The following SYT6 variants were observed in gnomAD, a reference collection of about 807,000 sequenced individuals.
SYT6 encodes synaptotagmin 6, also known as synaptotagmin-6.
In SYT6, 24 loss-of-function variants were observed where a neutral mutation model predicts 38.4. The observed-to-expected ratio is 0.62, with a 90% CI of 0.45 to 0.88. SYT6 has a LOEUF of 0.88. Ranked by LOEUF, SYT6 falls within the 40% of genes least tolerant of loss-of-function variation. The probability of loss-of-function intolerance (pLI) is 0.00; values close to 1 mark genes in which losing one functional copy is unlikely to be tolerated. For missense variants in SYT6, 611 were observed against 621.0 expected, an observed-to-expected ratio of 0.98 and a Z score of 0.17; for synonymous variants, 265 against 241.9, an observed-to-expected ratio of 1.10 and a Z score of -0.89.
intron 3 of SYT6, among the ~76,000 whole-genome samples, chr1:114,110,753 G>C (rs1006591571): frequency 1.1e-4 from 16 of 152,098 alleles, no homozygotes; most frequent in Non-Finnish European, 2.1e-4. Context: ...TCCCTTCTGA[G>C]TGTCCCCAAA....
intron 3 of SYT6, among the ~76,000 whole-genome samples, chr1:114,108,430 T>G (rs1676460420): frequency 6.6e-6 from 1 of 152,202 alleles, no homozygotes; most frequent in African/African-American, 2.4e-5. Context: ...TCAGGAGACC[T>G]GGACTTTAGA....
At position 114,139,655 on chromosome 1, in the gene SYT6, G is replaced by T; in HGVS notation, c.472C>A (p.Arg158=). The T allele has an allele frequency of 6.2e-7, 1 of 1,614,162 alleles. No homozygotes were observed. Among genetic ancestry groups the T allele is most frequent in the Non-Finnish European group, 8.5e-7 (1 of 1,180,038 alleles). ...GGCTCTGTAGTTTGCCGCTGCAGCC[G>T]GGTGTGACGCATGATGTGCTCCTTG... The part of the protein sequence containing the change: ...SVKEHIMRHT[R]LQRQTTEPAS... Residue 158 remains arginine (R), a synonymous_variant, in exon 2 of 8, where the codon CGG becomes AGG. Transcript: ENST00000610222.
chr1:114,137,625 A>T lies in SYT6; in HGVS notation c.941T>A (p.Leu314His). The change falls in exon 3 of 8, where the codon CTC becomes CAC. Residue 314 changes from leucine to histidine, a missense_variant. Coordinates refer to ENST00000610222, the MANE Select transcript of SYT6 (RefSeq NM_001253772.2). ...GAAGCGGTCAAAGTCGAAGACACTG[A>T]GATGCAGCTTGCGGTCAGCCAGCTC... ...YEELADRKLH[L>H]SVFDFDRFSR... The T allele has an allele frequency of 6.2e-7, 1 of 1,614,176 alleles. No homozygotes were observed. Among genetic ancestry groups the T allele is most frequent in the Non-Finnish European group, 8.5e-7 (1 of 1,180,030 alleles).
At chr1:114,109,014 G>A (rs543422575) in intron 3 of SYT6, among the ~76,000 whole-genome samples, 1 of 152,194 alleles carries the variant, frequency 6.6e-6, no homozygotes, top group Non-Finnish European at 1.5e-5. Flanking sequence ...GGAGGGTAGG[G>A]GGGCTGGAAG....
chr1:114,103,690 G>T lies in SYT6; in HGVS notation c.1103C>A (p.Ser368Tyr). Residue 368 changes from serine to tyrosine, a missense_variant, in exon 4 of 8, where the codon TCC becomes TAC. By Grantham distance (144) the Ser-to-Tyr change is moderately radical (BLOSUM62 -2). Transcript: ENST00000610222. Reference protein sequence around the residue: ...ESVDLGEIMFSLCYLPTAGRL... With the variant: ...ESVDLGEIMFYLCYLPTAGRL... ...GCCTGCAGTGGGCAGGTAGCAAAGGGAGAACATGATCTCTCCCAAGTCCAC... is the reference window on the plus strand; with the variant it reads ...GCCTGCAGTGGGCAGGTAGCAAAGGTAGAACATGATCTCTCCCAAGTCCAC... 1 of 1,614,132 alleles carries T rather than the reference G, an allele frequency of 6.2e-7. No individual in the cohort carries two copies. The highest frequency in any genetic ancestry group is 8.5e-7 in the Non-Finnish European group (1 of 1,180,024).
intron 1 of SYT6, among the ~76,000 whole-genome samples, chr1:114,147,637 A>C (rs192161388): frequency 6.6e-6 from 1 of 152,264 alleles, no homozygotes; most frequent in Non-Finnish European, 1.5e-5. Flanking sequence ...TGGACATCTC[A>C]GGTGGGCGGC....
chr1:114,137,420 G>T, intron 3 of SYT6, 75 bp downstream of exon 3: 1 of 1,504,174 alleles, frequency 6.6e-7, no homozygotes, highest in South Asian at 1.3e-5. Context: ...TCTAGGAAGT[G>T]AGGGTTTGGG....
intron 3 of SYT6, among the ~76,000 whole-genome samples, chr1:114,110,892 A>C (rs1676636758): frequency 1.3e-5 from 2 of 152,086 alleles, no homozygotes; most frequent in South Asian, 4.2e-4. Flanking sequence ...TGCTGTAACC[A>C]GGTGGTTGGT....
intron 1 of SYT6, among the ~76,000 whole-genome samples, chr1:114,147,958 G>A (rs1679239619): frequency 6.6e-6 from 1 of 152,204 alleles, no homozygotes; most frequent in South Asian, 2.1e-4. Flanking sequence ...CTTTGAGGCA[G>A]GGAAGGGAGA....
intron 3 of SYT6, among the ~76,000 whole-genome samples, chr1:114,117,261 A>G (rs1265130160): frequency 6.6e-6 from 1 of 152,238 alleles, no homozygotes; most frequent in Admixed American, 6.5e-5. Context: ...TACAGGCATA[A>G]GAGGAAACCA....
chr1:114,101,616 C>T (rs148838544), intron 4 of SYT6, among the ~76,000 whole-genome samples: 2 of 152,272 alleles, frequency 1.3e-5, no homozygotes, highest in East Asian at 3.9e-4. Context: ...GACATCAATG[C>T]CACACAATTC....
At chr1:114,146,980 A>G (rs1679189052) in intron 1 of SYT6, among the ~76,000 whole-genome samples, 1 of 152,252 alleles carries the variant, frequency 6.6e-6, no homozygotes, top group Non-Finnish European at 1.5e-5. Context: ...TTTTATTAGA[A>G]TTAGTTATGC....
intron 1 of SYT6, among the ~76,000 whole-genome samples, 199 bp from the exon 2 acceptor site, chr1:114,140,162 A>C (rs1678781762): frequency 6.6e-6 from 1 of 152,086 alleles, no homozygotes; most frequent in African/African-American, 2.4e-5. Flanking sequence ...GAGTATGTAC[A>C]GCCTTGTGTT....
chr1:114,136,006 T>C (rs536368), intron 3 of SYT6, among the ~76,000 whole-genome samples: 19,513 of 152,192 alleles, frequency 0.13, 1,321 homozygotes, highest in African/African-American at 0.15. Context: ...CCCTGTCTGC[T>C]CGCCCCGTCT....
intron 3 of SYT6, among the ~76,000 whole-genome samples, chr1:114,118,622 C>T (rs1467047699): frequency 3.3e-5 from 5 of 152,164 alleles, no homozygotes; most frequent in Admixed American, 1.3e-4. Flanking sequence ...CCTGGGGCTC[C>T]TGCTGCTGCT....
At chr1:114,134,646 C>G (rs2101078506) in intron 3 of SYT6, among the ~76,000 whole-genome samples, 1 of 152,236 alleles carries the variant, frequency 6.6e-6, no homozygotes, top group Admixed American at 6.5e-5. Context: ...TGGTTTGCAC[C>G]AGGCAGAGAG....
chr1:114,097,687 C>T, intron 6 of SYT6, 40 bp downstream of exon 6: 1 of 1,607,032 alleles, frequency 6.2e-7, no homozygotes, highest in South Asian at 1.1e-5. Flanking sequence ...CCCACACTGC[C>T]ATGCAGCAAA....
At position 114,089,434 on chromosome 1, in the gene SYT6, G is replaced by A. The variant is rs1302247005; in HGVS notation, c.*2700C>T. On this transcript the variant is annotated 3_prime_UTR_variant, in exon 8 of 8. Transcript: ENST00000610222. ...CTGGGTAAGCGCAGAGGGGGAGGAG[G>A]GCGTCTTTCAGCCCGGAAACACTGC... 4 of 152,542 alleles carry A rather than the reference G, an allele frequency of 2.6e-5. No individual in the cohort carries two copies. The highest frequency in any genetic ancestry group is 5.9e-5 in the Non-Finnish European group (4 of 68,022). The allele number at this position is 152,542 out of a possible 1,614,324, so 9.4% of individuals were successfully genotyped here. A position where few individuals can be genotyped will look rare whatever the true frequency, so the allele number is the denominator to read the frequency against.
chr1:114,129,823 T>C lies in SYT6; in HGVS notation c.1071+7672A>G, dbSNP rs376631315. The stretch of plus-strand genomic sequence containing the variant: ...CTCTGAGTTGCTGGGATTACAGGCA[T>C]GCACCACCACACCTGTTTTTTTTTT... On this transcript the variant is annotated intron_variant, in intron 3 of 7. Coordinates refer to ENST00000610222, the MANE Select transcript of SYT6 (RefSeq NM_001253772.2). Among the ~76,000 whole-genome samples, 10 of 146,262 alleles carry C rather than the reference T, an allele frequency of 6.8e-5. No individual in the cohort carries two copies. In the East Asian group the frequency reaches 2.0e-3, roughly 30 times the overall value.
Sources: gnomAD v4.1 joint callset for allele counts (sites outside exome capture counted in the v4.1 genomes callset) on GRCh38, gnomAD v4.1.1 for gene constraint, MANE v1.5 for transcripts, NCBI Gene and HGNC (gene_info 2026-07-23, HGNC 2026-07-21) for gene names.